MYO1H: variants seen among roughly 807,000 people sequenced by gnomAD.
MYO1H encodes the protein unconventional myosin-Ih.
MYO1H carries 118 observed loss-of-function variants against 149.3 expected under a neutral mutation model. The ratio of observed to expected loss-of-function variants is 0.79; its 90% CI spans 0.68 to 0.92. The LOEUF (loss-of-function observed/expected upper bound fraction) is 0.92, where lower values mean the gene tolerates loss of function less well. MYO1H is among the 40% of genes least tolerant of loss of function. The pLI, the probability that MYO1H is intolerant of heterozygous loss-of-function variation, is 0.00. For synonymous variants in MYO1H, 447 were observed against 465.2 expected, an observed-to-expected ratio of 0.96 and a Z score of 0.50; for missense variants, 1,212 against 1,280.7, an observed-to-expected ratio of 0.95 and a Z score of 0.82.
In MYO1H at chr12:109,404,086, T is replaced by A; in HGVS notation, c.849+6T>A. The A allele has an allele frequency of 6.2e-7, 1 of 1,608,572 alleles. No individual in the cohort carries two copies. Among genetic ancestry groups the A allele is most frequent in the Non-Finnish European group, 8.5e-7 (1 of 1,175,752 alleles). ...TTACTGAAGCTGACCTCGAGGTACG[T>A]GCTTTTGCAGCAGAACTGATAGTTC... On this transcript the variant is annotated splice_donor_region_variant and intron_variant, in intron 7 of 31. Transcript: ENST00000310903.
chr12:109,426,488 T>C (rs1228211847), intron 18 of MYO1H, among the ~76,000 whole-genome samples: 1 of 152,080 alleles, frequency 6.6e-6, no homozygotes, highest in Non-Finnish European at 1.5e-5. Flanking sequence ...ACTGTGCCAC[T>C]GCACTCCAGT....
At chr12:109,395,627 C>T (rs1869856449) in intron 3 of MYO1H, among the ~76,000 whole-genome samples, 2 of 151,532 alleles carry the variant, frequency 1.3e-5, no homozygotes, top group Admixed American at 6.6e-5. Flanking sequence ...CCCAGCTACT[C>T]GGGAGACCGT....
At chr12:109,414,105 A>C (rs1182901914) in intron 14 of MYO1H, among the ~76,000 whole-genome samples, 1 of 152,154 alleles carries the variant, frequency 6.6e-6, no homozygotes, top group Non-Finnish European at 1.5e-5. Flanking sequence ...GTTTTCAAAA[A>C]TTCATTGAGC....
chr12:109,443,999 C>T (rs190855984), intron 28 of MYO1H, among the ~76,000 whole-genome samples: 3 of 152,158 alleles, frequency 2.0e-5, no homozygotes, highest in Non-Finnish European at 2.9e-5. Flanking sequence ...AATAGCACCA[C>T]TTTACTCAAG....
chr12:109,363,479 G>A (rs777968124), intron 1 of MYO1H, among the ~76,000 whole-genome samples: 26 of 152,274 alleles, frequency 1.7e-4, no homozygotes, highest in African/African-American at 6.3e-4. Flanking sequence ...TTGGGAGGCC[G>A]AGACGAGTGG....
upstream of MYO1H, among the ~76,000 whole-genome samples, chr12:109,344,473 A>G (rs557526093): frequency 2.0e-5 from 3 of 152,360 alleles, no homozygotes; most frequent in African/African-American, 7.2e-5. Flanking sequence ...TGTCATTGAA[A>G]GAAATTGAAG....
Position 109,355,924 on chromosome 12 carries a change from G to A in MYO1H, c.12+7952G>A, listed in dbSNP as rs574444475. Among the ~76,000 whole-genome samples, 126 of 151,008 alleles carry A rather than the reference G, an allele frequency of 8.3e-4. 7 individuals carry two copies. In the South Asian group the frequency reaches 0.025, roughly 30 times the overall value. ...GTAGAGATAGGGTTTCATCATGTTG[G>A]CCAGGCTGATCTTAAACTCCTGACC... is the stretch of plus-strand genomic sequence containing the variant. On this transcript the variant is annotated intron_variant, in intron 1 of 31. Coordinates refer to ENST00000310903, the Ensembl canonical transcript of MYO1H.
chr12:109,442,343 C>T (rs939242654), intron 27 of MYO1H, 71 bp downstream of exon 27: 1 of 1,343,074 alleles, frequency 7.4e-7, no homozygotes, highest in Admixed American at 1.7e-5. Flanking sequence ...TCCCCTTTCT[C>T]CATAAAGGGC....
chr12:109,433,484 C>T (rs932170842), intron 20 of MYO1H, among the ~76,000 whole-genome samples: 4 of 152,214 alleles, frequency 2.6e-5, no homozygotes, highest in African/African-American at 9.7e-5. Context: ...CTTTCAGGCA[C>T]AACTCAAGGG....
At chr12:109,324,384 ACT>A in the MYO1H span, among the ~76,000 whole-genome samples, 4 of 152,130 alleles carry the variant, frequency 2.6e-5, no homozygotes, top group African/African-American at 9.7e-5. Flanking sequence ...AGAGAGTTAC[ACT>A]CTACCTTTTG....
chr12:109,351,276 A>T (rs1386876585), intron 1 of MYO1H, among the ~76,000 whole-genome samples: 1 of 152,084 alleles, frequency 6.6e-6, no homozygotes, highest in East Asian at 1.9e-4. Context: ...TTTTTATATT[A>T]TTACCGTAAA....
chr12:109,418,954 A>T (rs185915859), intron 15 of MYO1H, among the ~76,000 whole-genome samples: 4 of 152,292 alleles, frequency 2.6e-5, no homozygotes, highest in Admixed American at 6.5e-5. Context: ...AAAAGAAAAA[A>T]TTTTTAAAAA....
intron 1 of MYO1H, among the ~76,000 whole-genome samples, chr12:109,369,335 A>G (rs1236823887): frequency 6.6e-6 from 1 of 152,206 alleles, no homozygotes; most frequent in Admixed American, 6.5e-5. Flanking sequence ...GCTAAGGAAG[A>G]AAAAAGCAAA....
chr12:109,433,101 C>T (rs1369909507), intron 20 of MYO1H, 91 bp downstream of exon 20: 24 of 1,021,164 alleles, frequency 2.4e-5, no homozygotes, highest in Admixed American at 8.9e-5. Flanking sequence ...CCTGGAGACT[C>T]GATTCCTAGG....
upstream of MYO1H, among the ~76,000 whole-genome samples, chr12:109,347,155 C>A (rs1034132437): frequency 6.6e-6 from 1 of 152,188 alleles, no homozygotes; most frequent in African/African-American, 2.4e-5. Context: ...ACTGTCCATA[C>A]CCTTAGCCAT....
chr12:109,352,259 TGACAA>T (rs1868476749), intron 1 of MYO1H, among the ~76,000 whole-genome samples: 1 of 152,084 alleles, frequency 6.6e-6, no homozygotes, highest in East Asian at 1.9e-4. Context: ...TGTAAGAAAA[TGACAA>T]TGATTTGAAA....
Position 109,383,762 on chromosome 12 carries a change from G to A in MYO1H, c.13-4921G>A, listed in dbSNP as rs149811168. Among the ~76,000 whole-genome samples, 1,450 of 152,320 alleles carry A rather than the reference G, an allele frequency of 9.5e-3. 19 individuals are homozygous for A. Among genetic ancestry groups the A allele is most frequent in the African/African-American group, 0.033 (1,361 of 41,554 alleles). ...ATGTGGGGAAGTCCACGGAATAGCT[G>A]GCAGGCATTTCTGCCTCTACCATGG... On this transcript the variant is annotated intron_variant, in intron 1 of 31. Coordinates refer to ENST00000310903, the Ensembl canonical transcript of MYO1H.
At chr12:109,427,616 A>G in intron 19 of MYO1H, 30 bp downstream of exon 19, 2 of 1,439,790 alleles carry the variant, frequency 1.4e-6, no homozygotes, top group South Asian at 1.1e-5. Flanking sequence ...TCTGAAGCCA[A>G]TAGTCATGTG....
At chr12:109,374,990 G>T (rs1028932505) in intron 1 of MYO1H, among the ~76,000 whole-genome samples, 1 of 151,678 alleles carries the variant, frequency 6.6e-6, no homozygotes, top group African/African-American at 2.4e-5. Context: ...GAGTAGCTGG[G>T]ATTACACGTG....
Sources: gnomAD v4.1 joint callset for allele counts (sites outside exome capture counted in the v4.1 genomes callset) on GRCh38, gnomAD v4.1.1 for gene constraint, MANE v1.5 for transcripts, NCBI Gene and HGNC (gene_info 2026-07-23, HGNC 2026-07-21) for gene names.